DPP10: variants seen among roughly 807,000 people sequenced by gnomAD.
DPP10 encodes inactive dipeptidyl peptidase 10.
A neutral mutation model predicts 120.9 loss-of-function variants in DPP10; 33 were observed. That is an observed-to-expected ratio of 0.27 (90% CI 0.21 to 0.37). The LOEUF (loss-of-function observed/expected upper bound fraction) is 0.37, where lower values mean the gene tolerates loss of function less well. Ranked by LOEUF, DPP10 falls within the 10% of genes least tolerant of loss-of-function variation. DPP10 has a pLI of 1.00. For missense variants in DPP10, 816 were observed against 942.8 expected, an observed-to-expected ratio of 0.87 and a Z score of 1.76; for synonymous variants, 337 against 326.1, an observed-to-expected ratio of 1.03 and a Z score of -0.36.
In DPP10 at chr2:115,712,260, C is replaced by T. The variant is rs534829038; in HGVS notation, c.577-15556C>T. On this transcript the variant is annotated intron_variant, in intron 7 of 25. Coordinates refer to ENST00000410059, the MANE Select transcript of DPP10 (RefSeq NM_020868.6). ...TAAGGAGCATGCCACCTAGATAGCTCACATGCATGGTTCACAATAAGGTTC... is the reference window on the plus strand; with the variant it reads ...TAAGGAGCATGCCACCTAGATAGCTTACATGCATGGTTCACAATAAGGTTC... Among the ~76,000 whole-genome samples the T allele has an allele frequency of 6.6e-5, 10 of 150,574 alleles. No individual in the cohort carries two copies. In the South Asian group the frequency reaches 2.1e-3, roughly 32 times the overall value.
intron 1 of DPP10, among the ~76,000 whole-genome samples, chr2:115,017,399 T>C (rs1702727402): frequency 1.3e-5 from 2 of 152,040 alleles, no homozygotes; most frequent in Admixed American, 6.6e-5. Context: ...TTTTACACTG[T>C]TGGTGGGACT....
chr2:115,638,237 C>G (rs1022547785), intron 5 of DPP10, among the ~76,000 whole-genome samples: 5 of 152,096 alleles, frequency 3.3e-5, no homozygotes, highest in African/African-American at 1.2e-4. Flanking sequence ...CTTAGAATTC[C>G]AAGTGTGCAT....
At chr2:114,679,031 C>T (rs922269741) in intron 1 of DPP10, among the ~76,000 whole-genome samples, 1 of 151,992 alleles carries the variant, frequency 6.6e-6, no homozygotes, top group Non-Finnish European at 1.5e-5. Context: ...TGCTTTAGCG[C>T]ACAGACTTTC....
intron 1 of DPP10, among the ~76,000 whole-genome samples, chr2:115,305,185 G>C (rs2061311846): frequency 2.0e-5 from 3 of 151,968 alleles, no homozygotes; most frequent in Admixed American, 1.3e-4. Context: ...CATGCACTTT[G>C]TTCTGTGACC....
intron 1 of DPP10, among the ~76,000 whole-genome samples, chr2:114,793,682 T>C (rs1683444388): frequency 6.6e-6 from 1 of 152,174 alleles, no homozygotes; most frequent in South Asian, 2.1e-4. Context: ...TCAAAGCGCC[T>C]ACTTTGGCCA....
intron 1 of DPP10, among the ~76,000 whole-genome samples, chr2:114,832,928 G>A (rs1020044503): frequency 2.0e-5 from 3 of 151,998 alleles, no homozygotes; most frequent in Non-Finnish European, 4.4e-5. Flanking sequence ...TTCAAAAAAT[G>A]TAACTAAATA....
intron 1 of DPP10, among the ~76,000 whole-genome samples, chr2:114,992,028 C>T (rs1700779228): frequency 6.6e-6 from 1 of 152,238 alleles, no homozygotes; most frequent in Non-Finnish European, 1.5e-5. Flanking sequence ...AAAACTAACT[C>T]ATGCCTCATA....
At chr2:115,236,311 G>A (rs112770524) in intron 1 of DPP10, among the ~76,000 whole-genome samples, 17 of 152,328 alleles carry the variant, frequency 1.1e-4, no homozygotes, top group African/African-American at 3.8e-4. Context: ...GGACATAGTT[G>A]TCAGGCAAGC....
chr2:114,464,210 C>G (rs1679164292), intron 1 of DPP10, among the ~76,000 whole-genome samples: 1 of 152,134 alleles, frequency 6.6e-6, no homozygotes, highest in South Asian at 2.1e-4. Flanking sequence ...AGTGGCTATA[C>G]CATTTTGCAT....
intron 1 of DPP10, among the ~76,000 whole-genome samples, chr2:114,848,592 A>G (rs935945279): frequency 2.6e-5 from 4 of 152,244 alleles, no homozygotes; most frequent in Non-Finnish European, 4.4e-5. Context: ...ATTGAATCAC[A>G]TAGATACGAC....
intron 1 of DPP10, among the ~76,000 whole-genome samples, chr2:115,199,149 A>G (rs1478165351): frequency 6.6e-6 from 1 of 152,148 alleles, no homozygotes; most frequent in Non-Finnish European, 1.5e-5. Context: ...TATTAATTTA[A>G]TAAAACCTGT....
intron 1 of DPP10, among the ~76,000 whole-genome samples, chr2:115,140,918 C>A (rs2050892898): frequency 9.8e-6 from 1 of 102,164 alleles, no homozygotes. Context: ...ATGTGACATG[C>A]TTATCTTGAA....
intron 2 of DPP10, among the ~76,000 whole-genome samples, chr2:115,323,420 C>T (rs933458709): frequency 2.0e-5 from 3 of 152,200 alleles, no homozygotes; most frequent in African/African-American, 7.2e-5. Flanking sequence ...AAGTCTTGAA[C>T]CTCTCAAAGT....
At chr2:114,702,252 G>A (rs76724219) in intron 1 of DPP10, among the ~76,000 whole-genome samples, 7 of 152,052 alleles carry the variant, frequency 4.6e-5, no homozygotes, top group African/African-American at 1.7e-4. Flanking sequence ...CAACCAGGGG[G>A]GCATGGTCAG....
intron 1 of DPP10, among the ~76,000 whole-genome samples, chr2:114,759,552 G>A (rs1680094666): frequency 6.6e-6 from 1 of 151,516 alleles, no homozygotes; most frequent in South Asian, 2.1e-4. Flanking sequence ...AAGGTCTCTA[G>A]CAAGAATTTC....
At chr2:115,268,549 G>C (rs1207765738) in intron 1 of DPP10, among the ~76,000 whole-genome samples, 6 of 152,132 alleles carry the variant, frequency 3.9e-5, no homozygotes, top group African/African-American at 1.4e-4. Context: ...CATTATCTTG[G>C]ATTTTATTAA....
Position 115,517,204 on chromosome 2 carries a change from C to T in DPP10, c.367-8694C>T, listed in dbSNP as rs554193663. On this transcript the variant is annotated intron_variant, in intron 4 of 25. Coordinates refer to ENST00000410059, the MANE Select transcript of DPP10 (RefSeq NM_020868.6). Reference sequence around the variant, plus strand: ...CATAGTTGCAAACAACCACTGGTCTCCTCAACTGTGCTTAGGAGCTATTAA... The same window carrying T: ...CATAGTTGCAAACAACCACTGGTCTTCTCAACTGTGCTTAGGAGCTATTAA... Among the ~76,000 whole-genome samples, 10 of 152,236 alleles carry T rather than the reference C, an allele frequency of 6.6e-5. No individual in the cohort carries two copies. In the South Asian group the frequency reaches 1.9e-3, roughly 28 times the overall value.
At position 115,663,772 on chromosome 2, in the gene DPP10, G is replaced by A. The variant is rs548561485; in HGVS notation, c.442-25915G>A. Among the ~76,000 whole-genome samples the A allele has an allele frequency of 3.9e-5, 6 of 152,224 alleles. No individual in the cohort carries two copies. In the East Asian group the frequency reaches 5.8e-4, roughly 15 times the overall value. On this transcript the variant is annotated intron_variant, in intron 5 of 25. Coordinates refer to ENST00000410059, the MANE Select transcript of DPP10 (RefSeq NM_020868.6). ...AGCACTTTGGGAGGCTGAGGCAGGC[G>A]GATCACGAGGTCGGGAGGTCCAGAG...
At chr2:114,722,590 C>T (rs574707584) in intron 1 of DPP10, among the ~76,000 whole-genome samples, 7 of 151,986 alleles carry the variant, frequency 4.6e-5, no homozygotes, top group Non-Finnish European at 8.8e-5. Context: ...TCCTGGCTAA[C>T]ACGGCGAAAC....
Sources: allele counts gnomAD v4.1 joint callset (sites outside exome capture counted in the v4.1 genomes callset), GRCh38; gene constraint gnomAD v4.1.1; transcripts MANE v1.5; gene names NCBI Gene and HGNC (gene_info 2026-07-23, HGNC 2026-07-21).